The following ITGB3 variants were observed in gnomAD, a reference collection of about 807,000 sequenced individuals.
The protein encoded by ITGB3 is integrin beta-3.
ITGB3 carries 48 observed loss-of-function variants against 85.8 expected under a neutral mutation model. The ratio of observed to expected loss-of-function variants is 0.56; its 90% confidence interval spans 0.44 to 0.71. The LOEUF is 0.71. Ranked by LOEUF, ITGB3 falls within the 30% of genes least tolerant of loss-of-function variation. The probability of loss-of-function intolerance (pLI) is 0.00; values close to 1 mark genes in which losing one functional copy is unlikely to be tolerated. For synonymous variants in ITGB3, 363 were observed against 395.6 expected (o/e 0.92, Z 0.98); for missense variants, 861 against 1,019.1 (o/e 0.84, Z 2.11).
intron 13 of ITGB3, chr17:47,303,854 C>G (rs1227421427): frequency 6.6e-6 from 1 of 152,114 alleles, no homozygotes; most frequent in Non-Finnish European, 1.5e-5. Flanking sequence ...CCCCTTCCCC[C>G]ACATTAGGAG....
At chr17:47,274,382 C>G (rs774042202) in intron 1 of ITGB3, 37 bp from the exon 2 acceptor site, 2 of 1,598,676 alleles carry the variant, frequency 1.3e-6, no homozygotes, top group South Asian at 2.2e-5. Flanking sequence ...TTCACTGAGC[C>G]AAATCTGGTG....
intron 1 of ITGB3, among the ~76,000 whole-genome samples, chr17:47,267,685 C>T (rs1331744889): frequency 6.6e-6 from 1 of 152,164 alleles, no homozygotes; most frequent in Non-Finnish European, 1.5e-5. Context: ...TCATTTTATC[C>T]TCTGGGGTCA....
At position 47,312,157 on chromosome 17, in the gene ITGB3, T is replaced by C. The variant is rs1250097354; in HGVS notation, c.*1953T>C. 6.6e-6 allele frequency among the ~76,000 whole-genome samples: 1 copy of C among 152,246 alleles called. No homozygotes were observed. The highest frequency in any genetic ancestry group is 2.4e-5 in the African/African-American group (1 of 41,474). On this transcript the variant is annotated 3_prime_UTR_variant, in exon 15 of 15. Transcript: ENST00000559488. ...AAACCCGTTTTCCAACATTTGTTAATAGTTACGTCTCTCCTGATGTAGCAC... is the reference window on the plus strand; with the variant it reads ...AAACCCGTTTTCCAACATTTGTTAACAGTTACGTCTCTCCTGATGTAGCAC...
At chr17:47,300,242 C>CT (rs1346841663) in intron 11 of ITGB3, among the ~76,000 whole-genome samples, 1 of 152,188 alleles carries the variant, frequency 6.6e-6, no homozygotes, top group African/African-American at 2.4e-5. Context: ...ACCTGGGAGG[C>CT]TTCTGGCTGC....
At chr17:47,289,274 C>T (rs2065116055) in intron 6 of ITGB3, among the ~76,000 whole-genome samples, 1 of 152,162 alleles carries the variant, frequency 6.6e-6, no homozygotes, top group East Asian at 1.9e-4. Flanking sequence ...TCGTCTATCC[C>T]TGGAGTTCAC....
chr17:47,280,604 G>A (rs1362489909), intron 2 of ITGB3, among the ~76,000 whole-genome samples: 1 of 152,162 alleles, frequency 6.6e-6, no homozygotes, highest in Non-Finnish European at 1.5e-5. Context: ...TTATCCACCC[G>A]TGTCGGCCTC....
At chr17:47,289,152 CAG>C (rs2065115573) in intron 6 of ITGB3, among the ~76,000 whole-genome samples, 1 of 152,178 alleles carries the variant, frequency 6.6e-6, no homozygotes, top group African/African-American at 2.4e-5. Context: ...AGTTCCAAAA[CAG>C]AGGCCTAACC....
At chr17:47,302,950 C>A in intron 13 of ITGB3, 110 bp downstream of exon 13, 1 of 1,314,998 alleles carries the variant, frequency 7.6e-7, no homozygotes, top group Non-Finnish European at 1.1e-6. Flanking sequence ...GTTAAGCCTG[C>A]AAGTGATAAG....
In ITGB3 at chr17:47,274,468, G is replaced by C; in HGVS notation, c.129G>C (p.Leu43=). Residue 43 remains leucine (L), a synonymous_variant, in exon 2 of 15, where the codon CTG becomes CTC. Coordinates refer to ENST00000559488, the MANE Select transcript of ITGB3 (RefSeq NM_000212.3). ...GTGTGAGCTCCTGCCAGCAGTGCCT[G>C]GCTGTGAGCCCCATGTGTGCCTGGT... ...TRGVSSCQQC[L]AVSPMCAWCS... is the part of the protein sequence containing the mutation. 2 of 1,613,900 alleles carry C rather than the reference G, an allele frequency of 1.2e-6. No individual in the cohort carries two copies. Among genetic ancestry groups the C allele is most frequent in the East Asian group, 4.5e-5 (2 of 44,880 alleles).
chr17:47,300,582 A>C lies in ITGB3; in HGVS notation c.2014+4A>C, dbSNP rs1200867559. ...ATTGAGTCAGTGAAAGAGCTTAGTA[A>C]GTTCAGCACATCTTAGAGTTGCACA... On this transcript the variant is annotated splice_donor_region_variant and intron_variant, in intron 12 of 14. Coordinates refer to ENST00000559488, the MANE Select transcript of ITGB3 (RefSeq NM_000212.3). 1 of 1,608,674 alleles carries C rather than the reference A, an allele frequency of 6.2e-7. No individual in the cohort carries two copies. The highest frequency in any genetic ancestry group is 1.3e-5 in the African/African-American group (1 of 74,800).
Position 47,300,539 on chromosome 17 carries a change from C to G in ITGB3, c.1975C>G (p.Arg659Gly), listed in dbSNP as rs928021640. ...CCTACATGACGAAAATACCTGCAAC[C>G]GTTACTGCCGTGACGAGATTGAGTC... ...GALHDENTCN[R>G]YCRDEIESVK... The change falls in exon 12 of 15, where the codon CGT becomes GGT. Residue 659 changes from arginine to glycine, a missense_variant. Transcript: ENST00000559488. 8.7e-6 allele frequency: 14 copies of G among 1,614,072 alleles called. No individual in the cohort carries two copies. The highest frequency in any genetic ancestry group is 1.2e-5 in the Non-Finnish European group (14 of 1,179,968).
At chr17:47,285,233 C>T (rs1482531427) in intron 4 of ITGB3, among the ~76,000 whole-genome samples, 3 of 152,134 alleles carry the variant, frequency 2.0e-5, no homozygotes, top group Non-Finnish European at 4.4e-5. Flanking sequence ...TTTATTTAAT[C>T]GGTGGAGACT....
At chr17:47,264,028 T>A (rs954707750) in intron 1 of ITGB3, among the ~76,000 whole-genome samples, 1 of 152,200 alleles carries the variant, frequency 6.6e-6, no homozygotes, top group Non-Finnish European at 1.5e-5. Context: ...ATAATGAAAG[T>A]TCCTGCCTAG....
At chr17:47,288,234 G>A (rs1415212057) in intron 6 of ITGB3, among the ~76,000 whole-genome samples, 1 of 90,490 alleles carries the variant, frequency 1.1e-5, no homozygotes, top group African/African-American at 4.1e-5. Context: ...GAGAGAGAGA[G>A]AGAGAGAAAG....
chr17:47,273,090 A>G (rs1365622128), intron 1 of ITGB3, among the ~76,000 whole-genome samples: 2 of 152,096 alleles, frequency 1.3e-5, no homozygotes, highest in Non-Finnish European at 2.9e-5. Flanking sequence ...TTTTCTTTAC[A>G]ATATTGTGTG....
In ITGB3 at chr17:47,310,831, T is replaced by C; in HGVS notation, c.*627T>C. On this transcript the variant is annotated 3_prime_UTR_variant, in exon 15 of 15. Transcript: ENST00000559488. Reference sequence around the variant, plus strand: ...CCTTTTGCCATCCCCTCAACCCAGCTATGGTTCTCTCGCAAGGGAAGTCCT... The same window carrying C: ...CCTTTTGCCATCCCCTCAACCCAGCCATGGTTCTCTCGCAAGGGAAGTCCT... The C allele has an allele frequency of 6.0e-6, 1 of 166,404 alleles. No individual in the cohort carries two copies. The highest frequency in any genetic ancestry group is 1.3e-5 in the Non-Finnish European group (1 of 74,822). The allele number at this position is 166,404 out of a possible 1,614,324, so 10.3% of individuals were successfully genotyped here.
In ITGB3 at chr17:47,254,212, C is replaced by T. The variant is rs2064979261; in HGVS notation, c.79+272C>T. On this transcript the variant is annotated intron_variant, in intron 1 of 14. Coordinates refer to ENST00000559488, the MANE Select transcript of ITGB3 (RefSeq NM_000212.3). ...GAGCGCCTTCCCGGCCGCCGCGGCG[C>T]GCACGGTGCGGTGGGCGCATCTCTG... Among the ~76,000 whole-genome samples the T allele has an allele frequency of 2.0e-5, 3 of 152,056 alleles. 1 individual carries two copies. In the South Asian group the frequency reaches 6.2e-4, roughly 31 times the overall value.
chr17:47,304,227 G>T (rs1431995375), intron 13 of ITGB3, among the ~76,000 whole-genome samples: 1 of 152,140 alleles, frequency 6.6e-6, no homozygotes, highest in African/African-American at 2.4e-5. Context: ...GGAATTCTAG[G>T]CTCCGCCTCC....
In ITGB3 at chr17:47,312,596, A is replaced by T. The variant is rs2065219874; in HGVS notation, c.*2392A>T. ...GTTAATGGGACATTTTCTTTAGATA[A>T]GATGTTTTATATGAAGAAACTGTAT... On this transcript the variant is annotated 3_prime_UTR_variant, in exon 15 of 15. Coordinates refer to ENST00000559488, the MANE Select transcript of ITGB3 (RefSeq NM_000212.3). 6.6e-6 allele frequency among the ~76,000 whole-genome samples: 1 copy of T among 152,208 alleles called. No individual in the cohort carries two copies.
Sources: allele counts gnomAD v4.1 joint callset (sites outside exome capture counted in the v4.1 genomes callset), GRCh38; gene constraint gnomAD v4.1.1; transcripts MANE v1.5; gene names NCBI Gene and HGNC (gene_info 2026-07-23, HGNC 2026-07-21).